MACROD2: variants seen among roughly 807,000 people sequenced by gnomAD.
The protein encoded by MACROD2 is ADP-ribose glycohydrolase MACROD2.
A neutral mutation model predicts 70.4 loss-of-function variants in MACROD2; 36 were observed. The observed-to-expected ratio is 0.51, with a 90% confidence interval of 0.39 to 0.68. The LOEUF (loss-of-function observed/expected upper bound fraction) is 0.68. Among genes scored for constraint, MACROD2 ranks in the 30% least tolerant of loss-of-function variants. The pLI, the probability that MACROD2 is intolerant of heterozygous loss-of-function variation, is 0.00. For synonymous variants in MACROD2, 172 were observed against 178.8 expected (o/e 0.96, Z 0.30); for missense variants, 496 against 538.4 (o/e 0.92, Z 0.78).
At chr20:14,144,127 T>C (rs2054913169) in intron 3 of MACROD2, among the ~76,000 whole-genome samples, 1 of 152,166 alleles carries the variant, frequency 6.6e-6, no homozygotes, top group South Asian at 2.1e-4. Flanking sequence ...TGTTTTTTCA[T>C]GTTCTTTACT....
intron 4 of MACROD2, among the ~76,000 whole-genome samples, chr20:14,577,256 A>G (rs1980659695): frequency 6.6e-6 from 1 of 152,238 alleles, no homozygotes; most frequent in South Asian, 2.1e-4. Flanking sequence ...CTTATAAATG[A>G]AATCCAGAAA....
chr20:14,206,833 A>C (rs990291779), intron 3 of MACROD2, among the ~76,000 whole-genome samples: 5 of 152,170 alleles, frequency 3.3e-5, no homozygotes, highest in Non-Finnish European at 7.3e-5. Flanking sequence ...TATCAATTTT[A>C]CCAAGCATTT....
At chr20:15,920,544 T>C (rs1309055858) in intron 10 of MACROD2, among the ~76,000 whole-genome samples, 1 of 152,202 alleles carries the variant, frequency 6.6e-6, no homozygotes, top group Non-Finnish European at 1.5e-5. Flanking sequence ...TTTGACCTCA[T>C]TTTTTATTAA....
chr20:13,995,715 C>T lies in MACROD2; in HGVS notation c.-49C>T, dbSNP rs767248242. The T allele has an allele frequency of 6.2e-7, 1 of 1,601,372 alleles. No individual in the cohort carries two copies. Among genetic ancestry groups the T allele is most frequent in the Non-Finnish European group, 8.5e-7 (1 of 1,169,690 alleles). ...CCACTCCACACACACCCTGTTTGCC[C>T]GTGAGCCTGGGGAACTTGCAGCTTA... On this transcript the variant is annotated 5_prime_UTR_variant, in exon 1 of 18. Coordinates refer to ENST00000684519, the MANE Select transcript of MACROD2 (RefSeq NM_001351661.2). The surrounding 1 kb of genome is among the most constrained non-coding windows in gnomAD (Gnocchi z 4.3).
intron 3 of MACROD2, among the ~76,000 whole-genome samples, chr20:14,478,604 G>T (rs1201916579): frequency 6.6e-6 from 1 of 152,032 alleles, no homozygotes; most frequent in Non-Finnish European, 1.5e-5. Context: ...TTGTGACATT[G>T]TCAGCTATTG....
chr20:14,501,534 CTT>C (rs2084915059), intron 4 of MACROD2, among the ~76,000 whole-genome samples: 1 of 151,460 alleles, frequency 6.6e-6, no homozygotes, highest in Non-Finnish European at 1.5e-5. Flanking sequence ...ACTGGATACT[CTT>C]TTAAGGTCAC....
chr20:15,557,306 T>C (rs2048181153), intron 8 of MACROD2, among the ~76,000 whole-genome samples: 1 of 152,210 alleles, frequency 6.6e-6, no homozygotes, highest in Non-Finnish European at 1.5e-5. Flanking sequence ...AGATACGGGT[T>C]AGGACCTCTA....
intron 5 of MACROD2, among the ~76,000 whole-genome samples, chr20:14,745,524 G>A (rs545480629): frequency 6.1e-4 from 93 of 152,278 alleles, no homozygotes; most frequent in Admixed American, 4.8e-3. Context: ...TTAAGGCTAT[G>A]GCTGTGGATA....
At chr20:15,503,803 G>A (rs532633367) in intron 8 of MACROD2, among the ~76,000 whole-genome samples, 178 of 152,266 alleles carry the variant, frequency 1.2e-3, no homozygotes, top group African/African-American at 4.1e-3. Flanking sequence ...AGTGGATAAG[G>A]TTGCATTTTC....
At chr20:15,190,034 C>T (rs1456218583) in intron 5 of MACROD2, among the ~76,000 whole-genome samples, 1 of 152,088 alleles carries the variant, frequency 6.6e-6, no homozygotes, top group Non-Finnish European at 1.5e-5. Context: ...ATACATACTA[C>T]TTCCTTCTTT....
At chr20:15,112,031 G>T (rs1352028300) in intron 5 of MACROD2, among the ~76,000 whole-genome samples, 1 of 152,188 alleles carries the variant, frequency 6.6e-6, no homozygotes, top group African/African-American at 2.4e-5. Flanking sequence ...GCCAGGATTT[G>T]ACCCTATTGA....
At chr20:14,847,480 T>A (rs2073155099) in intron 5 of MACROD2, among the ~76,000 whole-genome samples, 1 of 125,300 alleles carries the variant, frequency 8.0e-6, no homozygotes, top group Non-Finnish European at 1.6e-5. Context: ...GAGGAAGTGT[T>A]GCCTGTTTTT....
intron 7 of MACROD2, among the ~76,000 whole-genome samples, chr20:15,485,273 G>T (rs1013363353): frequency 6.6e-6 from 1 of 151,916 alleles, no homozygotes; most frequent in East Asian, 1.9e-4. Flanking sequence ...AGCAAACATC[G>T]ACTCGATTTT....
intron 4 of MACROD2, among the ~76,000 whole-genome samples, chr20:14,496,420 A>G (rs1419022954): frequency 6.6e-6 from 1 of 152,214 alleles, no homozygotes. Context: ...TGTATTAGCC[A>G]TAAAATCTTA....
At chr20:15,386,399 A>G (rs145192143) in intron 6 of MACROD2, among the ~76,000 whole-genome samples, 167 of 152,360 alleles carry the variant, frequency 1.1e-3, no homozygotes, top group African/African-American at 3.9e-3. Flanking sequence ...CCTTCACTTT[A>G]AAGATAAAGA....
chr20:14,845,803 A>G (rs2073133742), intron 5 of MACROD2, among the ~76,000 whole-genome samples: 1 of 152,066 alleles, frequency 6.6e-6, no homozygotes, highest in East Asian at 1.9e-4. Context: ...GGTTGGCTAT[A>G]GAAATGAGTC....
At chr20:14,136,682 A>G (rs992377451) in intron 3 of MACROD2, among the ~76,000 whole-genome samples, 5 of 152,094 alleles carry the variant, frequency 3.3e-5, no homozygotes, top group Non-Finnish European at 7.4e-5. Context: ...AAGTTTTAGA[A>G]CCATTGATGT....
At chr20:15,767,064 AG>A (rs1194639321) in intron 8 of MACROD2, among the ~76,000 whole-genome samples, 1 of 152,236 alleles carries the variant, frequency 6.6e-6, no homozygotes, top group East Asian at 1.9e-4. Context: ...TGCTGCCAAG[AG>A]TTTATGTACA....
chr20:14,283,669 T>A (rs1341322342), intron 3 of MACROD2, among the ~76,000 whole-genome samples: 1 of 152,178 alleles, frequency 6.6e-6, no homozygotes, highest in South Asian at 2.1e-4. Context: ...ACAATTTTTT[T>A]TTTTATTTTT....
Sources: allele counts gnomAD v4.1 joint callset (sites outside exome capture counted in the v4.1 genomes callset), GRCh38; gene constraint gnomAD v4.1.1; non-coding constraint Gnocchi (gnomAD v3.1); transcripts MANE v1.5; gene names NCBI Gene and HGNC (gene_info 2026-07-23, HGNC 2026-07-21).